The following PIKFYVE variants were observed in gnomAD, a reference collection of about 807,000 sequenced individuals.
The protein encoded by PIKFYVE is 1-phosphatidylinositol 3-phosphate 5-kinase.
Under a neutral mutation model 257.9 loss-of-function variants are expected in PIKFYVE, and 122 were observed. The observed-to-expected ratio is 0.47, with a 90% CI of 0.41 to 0.55. PIKFYVE has a LOEUF of 0.55. Among genes scored for constraint, PIKFYVE ranks in the 20% least tolerant of loss-of-function variants. The pLI is 0.00. For missense variants in PIKFYVE, 2,160 were observed against 2,536.6 expected (o/e 0.85, Z 3.19); for synonymous variants, 892 against 868.9 (o/e 1.03, Z -0.47).
chr2:208,297,614 T>C (rs1315058369), intron 7 of PIKFYVE, among the ~76,000 whole-genome samples: 1 of 152,174 alleles, frequency 6.6e-6, no homozygotes, highest in Non-Finnish European at 1.5e-5. Flanking sequence ...ATCTGTAAAA[T>C]AGAGCTAGTA....
chr2:208,334,801 C>T (rs978613391), intron 24 of PIKFYVE, among the ~76,000 whole-genome samples: 1 of 152,132 alleles, frequency 6.6e-6, no homozygotes, highest in Non-Finnish European at 1.5e-5. Flanking sequence ...ATAATAGACC[C>T]TCAGGGGATA....
chr2:208,278,781 A>G (rs1332480850), intron 5 of PIKFYVE, among the ~76,000 whole-genome samples: 1 of 152,118 alleles, frequency 6.6e-6, no homozygotes, highest in Non-Finnish European at 1.5e-5. Context: ...GTGTATATGT[A>G]CCACATTTTC....
chr2:208,333,260 T>C (rs1697759664), intron 23 of PIKFYVE, 55 bp from the exon 24 acceptor site: 1 of 1,565,712 alleles, frequency 6.4e-7, no homozygotes, highest in Admixed American at 1.8e-5. Context: ...ATGTTATTTT[T>C]TGAAAAAGAG....
chr2:208,340,349 A>G (rs1312917206), intron 31 of PIKFYVE, among the ~76,000 whole-genome samples: 3 of 152,250 alleles, frequency 2.0e-5, no homozygotes, highest in African/African-American at 7.2e-5. Context: ...AGTGTTACTT[A>G]TAAATGTTTG....
At chr2:208,288,033 C>T (rs2125177236) in intron 6 of PIKFYVE, among the ~76,000 whole-genome samples, 1 of 152,082 alleles carries the variant, frequency 6.6e-6, no homozygotes, top group Non-Finnish European at 1.5e-5. Context: ...TTAGTTTTTG[C>T]TTACTTTAGT....
At chr2:208,326,484 C>T in intron 20 of PIKFYVE, 55 bp downstream of exon 20, 1 of 1,563,788 alleles carries the variant, frequency 6.4e-7, no homozygotes, top group Non-Finnish European at 8.8e-7. Context: ...TTGAATGACT[C>T]CTCAAAGGCA....
chr2:208,277,737 T>C (rs1267234837), intron 5 of PIKFYVE, 29 bp downstream of exon 5: 1 of 1,607,586 alleles, frequency 6.2e-7, no homozygotes, highest in African/African-American at 1.3e-5. Flanking sequence ...CAGTTTACAA[T>C]TTTTAAAGGT....
chr2:208,356,953 G>T lies in PIKFYVE; in HGVS notation c.*1648G>T, dbSNP rs768762149. The T allele has an allele frequency of 6.6e-5, 10 of 152,590 alleles. No individual in the cohort carries two copies. Among genetic ancestry groups the T allele is most frequent in the Non-Finnish European group, 1.2e-4 (8 of 68,020 alleles). 9.5% of individuals were successfully genotyped at this position (152,590 alleles called of 1,614,324 possible). A position where few individuals can be genotyped will look rare whatever the true frequency, so the allele number is the denominator to read the frequency against. On this transcript the variant is annotated 3_prime_UTR_variant, in exon 42 of 42. Transcript: ENST00000264380. ...GATGAATACTTGAATTAGGAACATTGTGGAAAATTTGCTTTAGAGAATCAA... is the reference window on the plus strand; with the variant it reads ...GATGAATACTTGAATTAGGAACATTTTGGAAAATTTGCTTTAGAGAATCAA...
intron 5 of PIKFYVE, among the ~76,000 whole-genome samples, chr2:208,280,090 G>T (rs1690610427): frequency 6.6e-6 from 1 of 152,064 alleles, no homozygotes; most frequent in South Asian, 2.1e-4. Context: ...TCATGTCAGG[G>T]TATTTTCCTG....
intron 21 of PIKFYVE, among the ~76,000 whole-genome samples, chr2:208,328,678 T>A (rs1697206640): frequency 6.6e-6 from 1 of 152,352 alleles, no homozygotes; most frequent in African/African-American, 2.4e-5. Flanking sequence ...GTGTTTCATA[T>A]ACACCTTGTA....
At chr2:208,351,292 G>A in intron 37 of PIKFYVE, 60 bp from the exon 38 acceptor site, 1 of 1,211,688 alleles carries the variant, frequency 8.3e-7, no homozygotes, top group Non-Finnish European at 1.2e-6. Flanking sequence ...TTGGAATGAT[G>A]TGTTATAGAT....
At chr2:208,279,762 C>A (rs185109574) in intron 5 of PIKFYVE, among the ~76,000 whole-genome samples, 1 of 152,236 alleles carries the variant, frequency 6.6e-6, no homozygotes, top group East Asian at 1.9e-4. Flanking sequence ...GCTTATGTGC[C>A]TGTTTTTGTA....
intron 23 of PIKFYVE, among the ~76,000 whole-genome samples, chr2:208,331,581 T>C (rs189231115): frequency 2.1e-4 from 32 of 152,336 alleles, no homozygotes; most frequent in African/African-American, 6.5e-4. Flanking sequence ...TTCACTACGT[T>C]AGCCAGGCTG....
rs1197157885 is a variant in PIKFYVE at position 208,324,996 on chromosome 2, C to G, written c.2417C>G (p.Thr806Ser). The G allele has an allele frequency of 3.7e-6, 6 of 1,614,054 alleles. No homozygotes were observed. The highest frequency in any genetic ancestry group is 3.3e-5 in the South Asian group (3 of 91,082). The stretch of plus-strand genomic sequence containing the variant: ...CTGCTTACGAAACCACACCTGGGCA[C>G]TTGTCACAAATTTTATATGCAGATA... ...DQLLTKPHLG[T>S]CHKFYMQIFQ... The change falls in exon 19 of 42, where the codon ACT becomes AGT. Residue 806 changes from threonine to serine, a missense_variant. By Grantham distance (58) the Thr-to-Ser change is moderately conservative. Transcript: ENST00000264380.
chr2:208,283,154 T>C (rs928027722), intron 5 of PIKFYVE, among the ~76,000 whole-genome samples: 4 of 152,192 alleles, frequency 2.6e-5, no homozygotes, highest in Non-Finnish European at 5.9e-5. Flanking sequence ...GGCACAGTTA[T>C]ACATTGTGAC....
intron 15 of PIKFYVE, 49 bp from the exon 16 acceptor site, chr2:208,317,818 C>G: frequency 6.7e-7 from 1 of 1,484,732 alleles, no homozygotes; most frequent in East Asian, 2.3e-5. Flanking sequence ...TAACTAGATT[C>G]TAAGCATGTT....
intron 29 of PIKFYVE, 83 bp downstream of exon 29, chr2:208,338,651 A>G: frequency 1.5e-6 from 2 of 1,346,550 alleles, no homozygotes; most frequent in South Asian, 2.4e-5. Flanking sequence ...CTGTTTGAGC[A>G]GTTTTTCCGA....
intron 35 of PIKFYVE, among the ~76,000 whole-genome samples, chr2:208,349,545 GTTATATA>G (rs1397531567): frequency 6.7e-6 from 1 of 149,820 alleles, no homozygotes; most frequent in Non-Finnish European, 1.5e-5. Context: ...GGCTAATAAA[GTTATATA>G]TTATGTAACT....
At chr2:208,297,886 A>G (rs1407631270) in intron 7 of PIKFYVE, among the ~76,000 whole-genome samples, 4 of 150,342 alleles carry the variant, frequency 2.7e-5, no homozygotes, top group African/African-American at 7.3e-5. Flanking sequence ...AACTTTACCA[A>G]GAGTCAAAAT....
Sources: gnomAD v4.1 joint callset for allele counts (sites outside exome capture counted in the v4.1 genomes callset) on GRCh38, gnomAD v4.1.1 for gene constraint, MANE v1.5 for transcripts, NCBI Gene and HGNC (gene_info 2026-07-23, HGNC 2026-07-21) for gene names.